Variants in TECTA observed in about 807,000 individuals in gnomAD.
TECTA encodes the protein tectorin alpha, also known as alpha-tectorin.
Under a neutral mutation model 216.8 loss-of-function variants are expected in TECTA, and 128 were observed. The ratio of observed to expected loss-of-function variants is 0.59; its 90% CI spans 0.51 to 0.68. The LOEUF (loss-of-function observed/expected upper bound fraction) is 0.68. Ranked by LOEUF, TECTA falls within the 30% of genes least tolerant of loss-of-function variation. The pLI, the probability that TECTA is intolerant of heterozygous loss-of-function variation, is 0.00. For synonymous variants in TECTA, 1,089 were observed against 1,117.1 expected (o/e 0.97, Z 0.50); for missense variants, 2,551 against 2,786.2 (o/e 0.92, Z 1.90).
At chr11:121,166,296 C>T (rs1206853028) in intron 17 of TECTA, among the ~76,000 whole-genome samples, 1 of 152,148 alleles carries the variant, frequency 6.6e-6, no homozygotes, top group African/African-American at 2.4e-5. Context: ...AAGTAGCTGC[C>T]ACCAGCAAGG....
At chr11:121,107,064 T>G (rs1946397357) in intron 3 of TECTA, among the ~76,000 whole-genome samples, 1 of 152,262 alleles carries the variant, frequency 6.6e-6, no homozygotes, top group African/African-American at 2.4e-5. Flanking sequence ...CTGTGTGTTT[T>G]AATTACACCT....
intron 1 of TECTA, 50 bp from the exon 2 acceptor site, chr11:121,102,615 T>G: frequency 6.8e-7 from 1 of 1,481,312 alleles, no homozygotes; most frequent in Non-Finnish European, 9.4e-7. Flanking sequence ...GTGTTCTGTT[T>G]ACTCTGGCAA....
intron 10 of TECTA, among the ~76,000 whole-genome samples, chr11:121,132,155 T>C (rs1009854458): frequency 1.3e-5 from 2 of 152,236 alleles, no homozygotes; most frequent in African/African-American, 2.4e-5. Flanking sequence ...TTTTTCTAAT[T>C]CAATGGCTCC....
In TECTA at chr11:121,127,679, G is replaced by C. The variant is rs1946626178; in HGVS notation, c.1775-73G>C. 1.3e-6 allele frequency: 2 copies of C among 1,545,736 alleles called. No homozygotes were observed. The highest frequency in any genetic ancestry group is 1.7e-5 in the Admixed American group (1 of 59,926). ...AGGAACTAAATGATCCAGGAGGAGC[G>C]TTAAGATTCTGGCGGGTTAGCACTC... On this transcript the variant is annotated intron_variant, in intron 8 of 23. Coordinates refer to ENST00000392793, the MANE Select transcript of TECTA (RefSeq NM_005422.4). The surrounding 1 kb of genome is among the most constrained non-coding windows in gnomAD (Gnocchi z 5.0).
chr11:121,137,087 C>T (rs1048088965), intron 10 of TECTA, among the ~76,000 whole-genome samples: 2 of 152,212 alleles, frequency 1.3e-5, no homozygotes, highest in African/African-American at 2.4e-5. Context: ...AGACCACACA[C>T]ATATACAGAG....
At chr11:121,124,344 T>C (rs1404049162) in intron 7 of TECTA, among the ~76,000 whole-genome samples, 1 of 152,156 alleles carries the variant, frequency 6.6e-6, no homozygotes, top group African/African-American at 2.4e-5. Context: ...CCCTCTGTAG[T>C]CCAGTAACAC....
intron 4 of TECTA, among the ~76,000 whole-genome samples, 178 bp from the exon 5 acceptor site, chr11:121,112,894 G>C (rs1486486329): frequency 2.6e-5 from 4 of 152,230 alleles, no homozygotes; most frequent in Non-Finnish European, 5.9e-5. Context: ...CACATGTCTT[G>C]CTTTTCCCAA....
Position 121,126,841 on chromosome 11 carries a change from G to A in TECTA, c.1775-911G>A, listed in dbSNP as rs79461680. Among the ~76,000 whole-genome samples, 1,506 of 152,226 alleles carry A rather than the reference G, an allele frequency of 9.9e-3. 29 individuals are homozygous for A. Among genetic ancestry groups the A allele is most frequent in the African/African-American group, 0.034 (1,417 of 41,524 alleles). ...TCTTATGACCAGAGCATCCATATTT[G>A]GATTCAAGTTGAGATTGAATATGGC... On this transcript the variant is annotated intron_variant, in intron 8 of 23. Transcript: ENST00000392793.
At chr11:121,108,441 A>G (rs1216083508) in intron 3 of TECTA, among the ~76,000 whole-genome samples, 4 of 146,324 alleles carry the variant, frequency 2.7e-5, no homozygotes, top group Non-Finnish European at 6.1e-5. Context: ...CCACCTCAGT[A>G]AGCACACACA....
chr11:121,106,253 T>C (rs1946389247), intron 3 of TECTA, among the ~76,000 whole-genome samples: 2 of 152,204 alleles, frequency 1.3e-5, no homozygotes, highest in Admixed American at 1.3e-4. Context: ...GAATGTTATT[T>C]CTGCTACTCA....
At chr11:121,156,980 G>C (rs1357061406) in intron 13 of TECTA, among the ~76,000 whole-genome samples, 5 of 152,166 alleles carry the variant, frequency 3.3e-5, no homozygotes, top group Non-Finnish European at 7.3e-5. Context: ...GGACACGTGG[G>C]AATGAAGGTA....
intron 15 of TECTA, 26 bp from the exon 16 acceptor site, chr11:121,162,049 G>C (rs372508759): frequency 1.2e-6 from 2 of 1,613,218 alleles, no homozygotes. Flanking sequence ...TCAGATGGCT[G>C]TTTTTGCTTC....
chr11:121,162,318 C>G lies in TECTA; in HGVS notation c.5220C>G (p.Ala1740=). 2 of 1,613,770 alleles carry G rather than the reference C, an allele frequency of 1.2e-6. No individual in the cohort carries two copies. The highest frequency in any genetic ancestry group is 2.2e-5 in the South Asian group (2 of 91,092). ...LCGSLAAYGE[A]CRSFGILSTE... ...GCTCCCTGGCCGCCTACGGGGAGGC[C>G]TGCCGCTCCTTCGGGATCCTTAGCA... The change falls in exon 16 of 24, where the codon GCC becomes GCG. Residue 1740 remains alanine, a synonymous_variant. Coordinates refer to ENST00000392793, the MANE Select transcript of TECTA (RefSeq NM_005422.4).
chr11:121,117,458 T>G (rs1946511883), intron 6 of TECTA, among the ~76,000 whole-genome samples: 1 of 152,218 alleles, frequency 6.6e-6, no homozygotes, highest in African/African-American at 2.4e-5. Flanking sequence ...AATTTCAAAG[T>G]TTTTTGGTGG....
At chr11:121,158,696 T>C (rs1379006883) in intron 14 of TECTA, among the ~76,000 whole-genome samples, 1 of 151,928 alleles carries the variant, frequency 6.6e-6, no homozygotes, top group Non-Finnish European at 1.5e-5. Flanking sequence ...AAAACCTGAC[T>C]CACACCCCCA....
At position 121,158,177 on chromosome 11, in the gene TECTA, T is replaced by C; in HGVS notation, c.4642T>C (p.Tyr1548His). 3 of 1,614,012 alleles carry C rather than the reference T, an allele frequency of 1.9e-6. No homozygotes were observed. Among genetic ancestry groups the C allele is most frequent in the Non-Finnish European group, 2.5e-6 (3 of 1,180,034 alleles). ...CACCATCATTTCGCCCGTCTACTTC[T>C]ACATTAACGAAGAGCAGATTCTCAT... Reference protein sequence around the residue: ...NLTIISPVYFYINEEQILIND... With the variant: ...NLTIISPVYFHINEEQILIND... The change falls in exon 14 of 24, where the codon TAC becomes CAC. Residue 1548 changes from tyrosine to histidine, a missense_variant. This residue lies in a region of TECTA where 2,375 missense variants were observed against 2,563.9 expected (regional missense o/e 0.93). Transcript: ENST00000392793.
chr11:121,118,157 C>T, intron 6 of TECTA, 149 bp from the exon 7 acceptor site: 1 of 999,462 alleles, frequency 1.0e-6, no homozygotes, highest in Non-Finnish European at 1.5e-6. Context: ...GGCTCAGTTT[C>T]CTCATTTGTC....
Position 121,152,946 on chromosome 11 carries a change from G to A in TECTA, c.4171G>A (p.Ala1391Thr), listed in dbSNP as rs779748263. ...GAGTGTCTGCCAGCCCCGCTGCGCCGCCATCCGCCTGAAGAGTGACTGCAG... is the reference window on the plus strand; with the variant it reads ...GAGTGTCTGCCAGCCCCGCTGCGCCACCATCCGCCTGAAGAGTGACTGCAG... Reference protein sequence around the residue: ...CVSVCQPRCAAIRLKSDCSHY... With the variant: ...CVSVCQPRCATIRLKSDCSHY... The change falls in exon 13 of 24, where the codon GCC becomes ACC. Residue 1391 changes from alanine (A) to threonine (T), a missense_variant. Ala to Thr is a moderately conservative substitution (Grantham distance 58). Around this residue, in one of 3 missense-constraint regions of TECTA, gnomAD observed 2,375 missense variants for 2,563.9 expected, o/e 0.93. Coordinates refer to ENST00000392793, the MANE Select transcript of TECTA (RefSeq NM_005422.4). The A allele has an allele frequency of 1.3e-5, 21 of 1,613,254 alleles. No homozygotes were observed. The Admixed American group carries it at 1.3e-4, about 10-fold the overall frequency.
intron 4 of TECTA, among the ~76,000 whole-genome samples, chr11:121,111,685 T>A (rs1287207259): frequency 5.3e-5 from 8 of 152,208 alleles, no homozygotes; most frequent in Non-Finnish European, 1.2e-4. Context: ...AAGGAGGCTC[T>A]AGCTTTAGTC....
Sources: gnomAD v4.1 joint callset for allele counts (sites outside exome capture counted in the v4.1 genomes callset) on GRCh38, gnomAD v4.1.1 for gene constraint, gnomAD v4.1.1 regional missense constraint, Gnocchi (gnomAD v3.1) non-coding constraint, MANE v1.5 for transcripts, NCBI Gene and HGNC (gene_info 2026-07-23, HGNC 2026-07-21) for gene names.